ULK4: variants seen among roughly 807,000 people sequenced by gnomAD.
ULK4 encodes inactive serine/threonine-protein kinase ULK4.
ULK4 carries 133 observed loss-of-function variants against 160.6 expected under a neutral mutation model. That is an observed-to-expected ratio of 0.83 (90% CI 0.72 to 0.96). ULK4 has a LOEUF of 0.96. Among genes scored for constraint, ULK4 ranks in the 40% least tolerant of loss-of-function variants. The probability of loss-of-function intolerance (pLI) is 0.00; values close to 1 mark genes in which losing one functional copy is unlikely to be tolerated. For synonymous variants in ULK4, 534 were observed against 539.8 expected, an observed-to-expected ratio of 0.99 and a Z score of 0.15; for missense variants, 1,580 against 1,499.5, an observed-to-expected ratio of 1.05 and a Z score of -0.89.
Position 41,530,474 on chromosome 3 carries a change from T to C in ULK4, c.3226+35551A>G, listed in dbSNP as rs377045875. 4.6e-5 allele frequency among the ~76,000 whole-genome samples: 7 copies of C among 152,292 alleles called. 1 individual carries two copies. Among genetic ancestry groups the C allele is most frequent in the East Asian group, 1.9e-4 (1 of 5,174 alleles). On this transcript the variant is annotated intron_variant, in intron 32 of 36. Transcript: ENST00000301831. ...GACATTGAGTGCATTTAAGGATTAGTAGGACTTCATCTAGAACCAAACAGA... is the reference window on the plus strand; with the variant it reads ...GACATTGAGTGCATTTAAGGATTAGCAGGACTTCATCTAGAACCAAACAGA...
chr3:41,533,626 T>C (rs80225520), intron 32 of ULK4, among the ~76,000 whole-genome samples: 5,594 of 152,266 alleles, frequency 0.037, 230 homozygotes, highest in African/African-American at 0.1. Flanking sequence ...AGATTCTCTA[T>C]GGCTCATCAC....
intron 17 of ULK4, among the ~76,000 whole-genome samples, chr3:41,836,418 A>AAAGTGCTGGGTGG (rs1559594825): frequency 6.6e-6 from 1 of 152,008 alleles, no homozygotes; most frequent in African/African-American, 2.4e-5. Flanking sequence ...AGATCCACCC[A>AAAGTGCTGGGTGG]CCTCGACCTC....
At chr3:41,445,943 C>CA (rs1339447339) in intron 34 of ULK4, among the ~76,000 whole-genome samples, 1 of 151,842 alleles carries the variant, frequency 6.6e-6, no homozygotes, top group Non-Finnish European at 1.5e-5. Context: ...AGGCAACCTA[C>CA]AAAATGGGAG....
chr3:41,601,537 A>T (rs2032063522), intron 31 of ULK4, among the ~76,000 whole-genome samples: 1 of 152,114 alleles, frequency 6.6e-6, no homozygotes, highest in South Asian at 2.1e-4. Flanking sequence ...CAGGGGACTA[A>T]TTTTACAGTA....
intron 35 of ULK4, among the ~76,000 whole-genome samples, chr3:41,360,681 C>T (rs1483096971): frequency 6.6e-6 from 1 of 152,078 alleles, no homozygotes; most frequent in Non-Finnish European, 1.5e-5. Flanking sequence ...AACCAAATAC[C>T]ACGTGTTTTC....
At chr3:41,678,675 T>C (rs1255174730) in intron 29 of ULK4, among the ~76,000 whole-genome samples, 1 of 152,226 alleles carries the variant, frequency 6.6e-6, no homozygotes. Context: ...GCAAATAAAG[T>C]CTTGACTAAT....
intron 18 of ULK4, among the ~76,000 whole-genome samples, chr3:41,823,304 A>T (rs1403994393): frequency 6.6e-6 from 1 of 152,194 alleles, no homozygotes; most frequent in Admixed American, 6.5e-5. Context: ...GGAGGTCAGT[A>T]TAGCTGGAAG....
At chr3:41,305,365 C>T (rs944711892) in intron 35 of ULK4, among the ~76,000 whole-genome samples, 21 of 152,246 alleles carry the variant, frequency 1.4e-4, no homozygotes, top group African/African-American at 1.9e-4. Flanking sequence ...TGAGTGCCTG[C>T]GATTGCAGGC....
chr3:41,577,429 CAG>C (rs1256961813), intron 31 of ULK4, among the ~76,000 whole-genome samples: 2 of 152,188 alleles, frequency 1.3e-5, no homozygotes, highest in Non-Finnish European at 2.9e-5. Flanking sequence ...ATAATCACGT[CAG>C]GGGAAATGGG....
chr3:41,461,707 C>T (rs1486268792), intron 33 of ULK4, among the ~76,000 whole-genome samples: 2 of 152,130 alleles, frequency 1.3e-5, no homozygotes, highest in African/African-American at 2.4e-5. Flanking sequence ...TACCTAATCA[C>T]TTGTAGTAAA....
chr3:41,549,161 C>G (rs1489671426), intron 32 of ULK4, among the ~76,000 whole-genome samples: 2 of 152,024 alleles, frequency 1.3e-5, no homozygotes, highest in African/African-American at 4.8e-5. Flanking sequence ...ATGACACCAC[C>G]AAAGGAACAC....
intron 32 of ULK4, among the ~76,000 whole-genome samples, chr3:41,544,141 A>T (rs185132096): frequency 3.3e-5 from 5 of 152,138 alleles, no homozygotes; most frequent in Non-Finnish European, 5.9e-5. Flanking sequence ...TGGATGATAT[A>T]ATGTGTCAAC....
intron 21 of ULK4, among the ~76,000 whole-genome samples, chr3:41,762,655 C>CTTTTTTTTTTTTT (rs35695794): frequency 1.1e-5 from 1 of 88,976 alleles, no homozygotes; most frequent in Non-Finnish European, 2.1e-5. Context: ...AAGTGTTACA[C>CTTTTTTTTTTTTT]TTTTTTTTTT....
intron 29 of ULK4, 121 bp downstream of exon 29, chr3:41,681,387 C>G: frequency 7.2e-7 from 1 of 1,387,934 alleles, no homozygotes; most frequent in Non-Finnish European, 9.8e-7. Context: ...AATGAGTACA[C>G]AAGCATATGT....
chr3:41,249,636 G>GAGTCCCT, intron 35 of ULK4, 62 bp from the exon 36 acceptor site: 1 of 1,520,946 alleles, frequency 6.6e-7, no homozygotes, highest in Non-Finnish European at 9.0e-7. Flanking sequence ...ATGCCCTGTT[G>GAGTCCCT]GATGGGCACC....
chr3:41,918,662 C>G (rs374980080), intron 6 of ULK4, 122 bp from the exon 7 acceptor site: 43 of 500,436 alleles, frequency 8.6e-5, no homozygotes, highest in Non-Finnish European at 1.2e-4. Flanking sequence ...AGTGCAGTGG[C>G]GCAATCTCGG....
At chr3:41,710,494 C>A (rs1164826994) in intron 25 of ULK4, among the ~76,000 whole-genome samples, 1 of 152,062 alleles carries the variant, frequency 6.6e-6, no homozygotes, top group Non-Finnish European at 1.5e-5. Context: ...ATTTAACTAG[C>A]ATTAAGATTT....
intron 17 of ULK4, among the ~76,000 whole-genome samples, chr3:41,863,640 A>C (rs1362108695): frequency 6.6e-6 from 1 of 151,824 alleles, no homozygotes; most frequent in Non-Finnish European, 1.5e-5. Flanking sequence ...TCAGGGCCCA[A>C]AGGCTCTTCG....
intron 5 of ULK4, among the ~76,000 whole-genome samples, chr3:41,921,948 G>A (rs1699199904): frequency 1.3e-5 from 2 of 152,216 alleles, no homozygotes; most frequent in Admixed American, 1.3e-4. Flanking sequence ...GAGGTCAGGA[G>A]TTCGAGACCA....
Sources: allele counts gnomAD v4.1 joint callset (sites outside exome capture counted in the v4.1 genomes callset), GRCh38; gene constraint gnomAD v4.1.1; transcripts MANE v1.5; gene names NCBI Gene and HGNC (gene_info 2026-07-23, HGNC 2026-07-21).